FAM186A: variants seen among roughly 807,000 people sequenced by gnomAD.
FAM186A encodes family with sequence similarity 186 member A, also known as protein FAM186A.
FAM186A carries 163 observed loss-of-function variants against 216.8 expected under a neutral mutation model. The observed-to-expected ratio is 0.75, with a 90% CI of 0.66 to 0.86. The LOEUF (loss-of-function observed/expected upper bound fraction) is 0.86, where lower values mean the gene tolerates loss of function less well. FAM186A is among the 40% of genes least tolerant of loss of function. FAM186A has a pLI of 0.00. For synonymous variants in FAM186A, 805 were observed against 1,025.3 expected, an observed-to-expected ratio of 0.79 and a Z score of 4.10; for missense variants, 2,184 against 2,746.2, an observed-to-expected ratio of 0.80 and a Z score of 4.58.
intron 1 of FAM186A, among the ~76,000 whole-genome samples, chr12:50,374,326 A>T (rs1943177560): frequency 6.6e-6 from 1 of 151,880 alleles, no homozygotes; most frequent in Non-Finnish European, 1.5e-5. Context: ...AAAGAAAGAA[A>T]GTTCTAAATA....
At chr12:50,365,687 C>A in intron 1 of FAM186A, 1 of 729,898 alleles carries the variant, frequency 1.4e-6, no homozygotes, top group South Asian at 1.4e-5. Flanking sequence ...CCGACTGAAG[C>A]AAGAATCACA....
At chr12:50,358,855 G>A (rs1943003590) in intron 3 of FAM186A, among the ~76,000 whole-genome samples, 1 of 149,780 alleles carries the variant, frequency 6.7e-6, no homozygotes. Flanking sequence ...CCCAGGAGGT[G>A]GAGGTTGTAG....
chr12:50,367,688 TGCACAC>T (rs1462985962), intron 1 of FAM186A, among the ~76,000 whole-genome samples: 1 of 8,150 alleles, frequency 1.2e-4, no homozygotes, highest in Non-Finnish European at 6.8e-4. Context: ...TGCATGTGCG[TGCACAC>T]ACACACACAC....
intron 3 of FAM186A, among the ~76,000 whole-genome samples, chr12:50,357,521 C>T (rs1384964075): frequency 8.2e-6 from 1 of 122,066 alleles, no homozygotes; most frequent in Non-Finnish European, 1.7e-5. Context: ...AAAAAAAAGA[C>T]ACACATTTGA....
chr12:50,351,664 G>A lies in FAM186A; in HGVS notation c.5168C>T (p.Pro1723Leu), dbSNP rs1942882979. ...TCTTGATATGATGGATTGCCCAGTG[G>A]GGAGAGAAGCCTTCGATTTCTGAAA... ...RPFQKSKASL[P>L]TGQSIISRLS... is the part of the protein sequence containing the mutation. The change falls in exon 4 of 8, where the codon CCC (proline) becomes CTC (leucine). Residue 1723 changes from proline to leucine, a missense_variant. This residue lies in a region of FAM186A where 721 missense variants were observed against 816.4 expected (regional missense o/e 0.88). Coordinates refer to ENST00000327337, the MANE Select transcript of FAM186A (RefSeq NM_001145475.3). 6.4e-7 allele frequency: 1 copy of A among 1,551,486 alleles called. No individual in the cohort carries two copies. Among genetic ancestry groups the A allele is most frequent in the Admixed American group, 2.0e-5 (1 of 50,974 alleles).
rs1289330060 is a variant in FAM186A at position 50,332,683 on chromosome 12, CA to C, written c.6697-863del. On this transcript the variant is annotated intron_variant, in intron 5 of 7. Transcript: ENST00000327337. ...TGTACATTGGCCATATTTGCCAAAT[CA>C]AAAAAAGGAGAATATTCATTTTTTT... Among the ~76,000 whole-genome samples, 7 of 151,732 alleles carry C rather than the reference CA, an allele frequency of 4.6e-5. No homozygotes were observed. The East Asian group carries it at 1.2e-3, about 25-fold the overall frequency.
intron 1 of FAM186A, among the ~76,000 whole-genome samples, chr12:50,373,064 AAAGAAAGAAAGAGAAAAG>A: frequency 6.1e-5 from 9 of 147,354 alleles, no homozygotes; most frequent in African/African-American, 2.0e-4. Flanking sequence ...AGAAAGAAAG[AAAGAAAGAAAGAGAAAAG>A]AAAGAAAGAA....
chr12:50,395,765 CTTT>C (rs995592938), intron 1 of FAM186A, among the ~76,000 whole-genome samples: 1 of 146,128 alleles, frequency 6.8e-6, no homozygotes. Flanking sequence ...CAAATGAAAA[CTTT>C]TTTTTTTTTT....
chr12:50,347,527 T>A (rs1291741431), intron 4 of FAM186A, among the ~76,000 whole-genome samples: 1 of 151,826 alleles, frequency 6.6e-6, no homozygotes, highest in Non-Finnish European at 1.5e-5. Context: ...GGTCAGGAGT[T>A]CGAGACCAGC....
intron 4 of FAM186A, among the ~76,000 whole-genome samples, chr12:50,335,200 G>T (rs999804158): frequency 6.6e-6 from 1 of 152,158 alleles, no homozygotes; most frequent in African/African-American, 2.4e-5. Context: ...CGAGGCTGCA[G>T]TGAGTTATGA....
chr12:50,387,739 G>T (rs916638837), intron 1 of FAM186A, among the ~76,000 whole-genome samples: 4 of 152,160 alleles, frequency 2.6e-5, no homozygotes, highest in Admixed American at 6.6e-5. Context: ...GGCAGAGAAG[G>T]AAAGATGGAA....
Position 50,353,717 on chromosome 12 carries a change from G to C in FAM186A, c.3115C>G (p.Leu1039Val), listed in dbSNP as rs1942938141. The C allele has an allele frequency of 1.3e-6, 2 of 1,544,450 alleles. No homozygotes were observed. Among genetic ancestry groups the C allele is most frequent in the East Asian group, 4.9e-5 (2 of 40,898 alleles). The change falls in exon 4 of 8, where the codon CTT (leucine) becomes GTT (valine). Residue 1039 changes from leucine (L) to valine (V), a missense_variant. Transcript: ENST00000327337. ...FQRNLKTLENLPDEKEPISIT... is the reference protein window; with the variant it reads ...FQRNLKTLENVPDEKEPISIT... ...GATATGGGCTCCTTTTCATCAGGAA[G>C]GTTCTCTAATGTCTTCAGATTCCTC...
At chr12:50,366,215 C>T (rs1488612042) in intron 1 of FAM186A, 1 of 553,532 alleles carries the variant, frequency 1.8e-6, no homozygotes, top group Non-Finnish European at 3.2e-6. Context: ...GCTGTTACAG[C>T]AAATAATAAT....
Position 50,352,193 on chromosome 12 carries a change from G to C in FAM186A, c.4639C>G (p.Gln1547Glu). 1 of 1,529,820 alleles carries C rather than the reference G, an allele frequency of 6.5e-7. No individual in the cohort carries two copies. Among genetic ancestry groups the C allele is most frequent in the Non-Finnish European group, 8.8e-7 (1 of 1,138,054 alleles). The allele number at this position is 1,529,820 out of a possible 1,614,324, so 94.8% of individuals were successfully genotyped here. Reference protein sequence around the residue: ...QELGIPLTPQQVQALGIPLIP... With the variant: ...QELGIPLTPQEVQALGIPLIP... ...AGAGGGATCCCCAGGGCCTGGACCT[G>C]CTGAGGGGTGAGAGGGATCCCCAAT... Residue 1547 changes from glutamine to glutamate, a missense_variant, in exon 4 of 8, where the codon CAG becomes GAG. Around this residue, in one of 7 missense-constraint regions of FAM186A, gnomAD observed 19 missense variants for 22.4 expected, o/e 0.85. Coordinates refer to ENST00000327337, the MANE Select transcript of FAM186A (RefSeq NM_001145475.3).
At position 50,354,465 on chromosome 12, in the gene FAM186A, G is replaced by A. The variant is rs1565886652; in HGVS notation, c.2367C>T (p.Asn789=). The A allele has an allele frequency of 7.1e-6, 11 of 1,551,474 alleles. No homozygotes were observed. The highest frequency in any genetic ancestry group is 8.7e-6 in the Non-Finnish European group (10 of 1,146,976). Residue 789 remains asparagine (N), a synonymous_variant, in exon 4 of 8, where the codon AAC becomes AAT. Coordinates refer to ENST00000327337, the MANE Select transcript of FAM186A (RefSeq NM_001145475.3). ...CAGCCAAGATCATTTGTATTAAATTGTTAATTACTGGATCTGTGCTCTCAT... is the reference window on the plus strand; with the variant it reads ...CAGCCAAGATCATTTGTATTAAATTATTAATTACTGGATCTGTGCTCTCAT... ...LSYESTDPVI[N]NLIQMILAEI... is the part of the protein sequence containing the mutation.
Position 50,354,834 on chromosome 12 carries a change from C to A in FAM186A, c.1998G>T (p.Gln666His). Residue 666 changes from glutamine to histidine, a missense_variant, in exon 4 of 8, where the codon CAG (glutamine) becomes CAT (histidine). By Grantham distance (24) the Gln-to-His change is conservative. Coordinates refer to ENST00000327337, the MANE Select transcript of FAM186A (RefSeq NM_001145475.3). ...VLESPDGKSEQSNLEEFQEAI... is the reference protein window; with the variant it reads ...VLESPDGKSEHSNLEEFQEAI... ...CTTCCTGAAATTCTTCGAGGTTACT[C>A]TGTTCACTTTTGCCATCTGGACTTT... The A allele has an allele frequency of 6.5e-7, 1 of 1,544,168 alleles. No homozygotes were observed. Among genetic ancestry groups the A allele is most frequent in the South Asian group, 1.2e-5 (1 of 81,858 alleles).
Position 50,351,117 on chromosome 12 carries a change from G to A in FAM186A, c.5715C>T (p.Thr1905=). 1.9e-6 allele frequency: 3 copies of A among 1,551,522 alleles called. No homozygotes were observed. The highest frequency in any genetic ancestry group is 2.6e-6 in the Non-Finnish European group (3 of 1,146,970). The change falls in exon 4 of 8, where the codon ACC becomes ACT. Residue 1905 remains threonine, a synonymous_variant. Coordinates refer to ENST00000327337, the MANE Select transcript of FAM186A (RefSeq NM_001145475.3). ...TCCATGTTGCCAGATGCTGCCCAGGGGTAGAAGGAGCCTGCAGATAGGGAG... is the reference window on the plus strand; with the variant it reads ...TCCATGTTGCCAGATGCTGCCCAGGAGTAGAAGGAGCCTGCAGATAGGGAG... ...EQSPYLQAPS[T]PGQHLATWTL... is the part of the protein sequence containing the mutation.
At position 50,396,317 on chromosome 12, in the gene FAM186A, G is replaced by A. The variant is rs914307237; in HGVS notation, c.168C>T (p.Arg56=). 2.5e-5 allele frequency: 39 copies of A among 1,550,256 alleles called. No individual in the cohort carries two copies. Among genetic ancestry groups the A allele is most frequent in the African/African-American group, 5.5e-5 (4 of 72,988 alleles). ...CCTCTCTGGCTCGATGGAGCTGTGC[G>A]CGCTCAATCCTAGAGATGATATCCT... is the stretch of plus-strand genomic sequence containing the variant. ...SVKDIISRIE[R]AQLHRAREDI... is the part of the protein sequence containing the mutation. Residue 56 remains arginine (R), a synonymous_variant, in exon 1 of 8, where the codon CGC becomes CGT. Coordinates refer to ENST00000327337, the MANE Select transcript of FAM186A (RefSeq NM_001145475.3).
intron 4 of FAM186A, among the ~76,000 whole-genome samples, chr12:50,338,357 C>A (rs1226836732): frequency 6.6e-6 from 1 of 151,990 alleles, no homozygotes; most frequent in Admixed American, 6.6e-5. Flanking sequence ...TGCACCACCA[C>A]GCCCATCTAA....
Sources: gnomAD v4.1 joint callset for allele counts (sites outside exome capture counted in the v4.1 genomes callset) on GRCh38, gnomAD v4.1.1 for gene constraint, gnomAD v4.1.1 regional missense constraint, MANE v1.5 for transcripts, NCBI Gene and HGNC (gene_info 2026-07-23, HGNC 2026-07-21) for gene names.